WDR41: variants seen among roughly 807,000 people sequenced by gnomAD.
WDR41 encodes the protein WD repeat domain 41.
WDR41 carries 63 observed loss-of-function variants against 69.3 expected under a neutral mutation model. The observed-to-expected ratio is 0.91, with a 90% CI of 0.74 to 1.12. The LOEUF (loss-of-function observed/expected upper bound fraction) is 1.12, where lower values mean the gene tolerates loss of function less well. WDR41 is among the 50% of genes most tolerant of loss of function. The probability of loss-of-function intolerance (pLI) is 0.00; values close to 1 mark genes in which losing one functional copy is unlikely to be tolerated. For missense variants in WDR41, 543 were observed against 534.5 expected, an observed-to-expected ratio of 1.02 and a Z score of -0.16; for synonymous variants, 185 against 192.1, an observed-to-expected ratio of 0.96 and a Z score of 0.31.
intron 6 of WDR41, 141 bp downstream of exon 6, chr5:77,453,676 A>AATAT (rs1799711561): frequency 1.6e-6 from 1 of 644,078 alleles, no homozygotes; most frequent in Admixed American, 2.8e-5. Flanking sequence ...ATCTGAATTG[A>AATAT]ATATGGCTAC....
intron 2 of WDR41, among the ~76,000 whole-genome samples, chr5:77,471,718 CT>C (rs939913455): frequency 6.6e-6 from 1 of 152,174 alleles, no homozygotes; most frequent in Non-Finnish European, 1.5e-5. Flanking sequence ...CCTCCCAAGA[CT>C]AAACCAGGAA....
chr5:77,509,437 T>A (rs1174928821), intron 1 of WDR41, among the ~76,000 whole-genome samples: 2 of 152,208 alleles, frequency 1.3e-5, no homozygotes, highest in Non-Finnish European at 2.9e-5. Flanking sequence ...ATAGCAGCAC[T>A]ATTCATCATA....
At chr5:77,610,769 A>G (rs1365227337) in intron 1 of WDR41, among the ~76,000 whole-genome samples, 2 of 152,148 alleles carry the variant, frequency 1.3e-5, no homozygotes, top group Non-Finnish European at 2.9e-5. Flanking sequence ...ATCACCAGCT[A>G]ACATCATAAT....
chr5:77,493,388 C>T (rs1801886001), upstream of WDR41, among the ~76,000 whole-genome samples: 1 of 152,142 alleles, frequency 6.6e-6, no homozygotes, highest in Admixed American at 6.5e-5. Context: ...CACAGATGCA[C>T]TAGAGAAGCA....
In WDR41 at chr5:77,456,094, C is replaced by T. The variant is rs144047095; in HGVS notation, c.412-2166G>A. On this transcript the variant is annotated intron_variant, in intron 5 of 12. Coordinates refer to ENST00000296679, the MANE Select transcript of WDR41 (RefSeq NM_018268.4). ...CAATAGTAAATCTGATCCATGCACT[C>T]AGGATGTCTTTCCATTTATATAGAT... is the stretch of plus-strand genomic sequence containing the variant. 4.4e-3 allele frequency among the ~76,000 whole-genome samples: 668 copies of T among 152,248 alleles called. 11 individuals carry two copies. The highest frequency in any genetic ancestry group is 0.013 in the African/African-American group (559 of 41,558).
intron 1 of WDR41, among the ~76,000 whole-genome samples, chr5:77,539,122 C>T (rs193245331): frequency 1.5e-3 from 234 of 152,166 alleles, no homozygotes; most frequent in African/African-American, 5.3e-3. Flanking sequence ...AGGCATTCAT[C>T]TCATCATGAG....
chr5:77,492,469 G>A (rs1801854765), upstream of WDR41: 1 of 432,764 alleles, frequency 2.3e-6, no homozygotes, highest in South Asian at 5.6e-5. Context: ...CGACGGCGGG[G>A]GCGGCTGCGG....
upstream of WDR41, among the ~76,000 whole-genome samples, chr5:77,495,797 A>AG (rs1801925174): frequency 2.0e-5 from 2 of 99,948 alleles, no homozygotes; most frequent in African/African-American, 1.3e-4. Context: ...TACCAAAACC[A>AG]GAAAAAAAAT....
intron 3 of WDR41, 81 bp from the exon 4 acceptor site, chr5:77,463,307 C>T (rs1487789129): frequency 7.5e-7 from 1 of 1,330,064 alleles, no homozygotes; most frequent in East Asian, 2.4e-5. Flanking sequence ...GTACAACTAC[C>T]ATATAGAAGA....
chr5:77,475,179 CT>C (rs1266978579), intron 2 of WDR41, among the ~76,000 whole-genome samples: 4 of 152,218 alleles, frequency 2.6e-5, no homozygotes, highest in African/African-American at 9.7e-5. Context: ...CCCACAGAGT[CT>C]CGCTAATTGC....
chr5:77,600,806 G>A (rs1015649119), intron 1 of WDR41, among the ~76,000 whole-genome samples: 6 of 152,046 alleles, frequency 3.9e-5, no homozygotes, highest in Non-Finnish European at 7.4e-5. Flanking sequence ...CTTGAACTTG[G>A]AGGGCAGAGT....
intron 1 of WDR41, among the ~76,000 whole-genome samples, chr5:77,620,300 A>G (rs1561242474): frequency 6.6e-6 from 1 of 152,202 alleles, no homozygotes; most frequent in Non-Finnish European, 1.5e-5. Flanking sequence ...CTATACTAAA[A>G]TTAAAGAGTT....
intron 1 of WDR41, among the ~76,000 whole-genome samples, chr5:77,594,667 T>C (rs1384226651): frequency 6.6e-6 from 1 of 152,168 alleles, no homozygotes; most frequent in East Asian, 1.9e-4. Context: ...AGAAGTCTAC[T>C]TCTAGAAACC....
chr5:77,469,462 A>C (rs927287082), intron 2 of WDR41, among the ~76,000 whole-genome samples: 2 of 152,110 alleles, frequency 1.3e-5, no homozygotes, highest in African/African-American at 4.8e-5. Context: ...TGTATTCTGT[A>C]TTTTTAGAAA....
chr5:77,588,855 GTA>G (rs1744085342), intron 1 of WDR41, among the ~76,000 whole-genome samples: 1 of 152,150 alleles, frequency 6.6e-6, no homozygotes, highest in African/African-American at 2.4e-5. Context: ...TAACAGCACT[GTA>G]TGCCTAAAAG....
intron 10 of WDR41, 81 bp downstream of exon 10, chr5:77,438,159 T>C: frequency 6.3e-7 from 1 of 1,587,116 alleles, no homozygotes; most frequent in Non-Finnish European, 8.6e-7. Flanking sequence ...CCAGGTAACT[T>C]GGCCACTTGA....
At chr5:77,505,398 A>T (rs1230484270) in intron 1 of WDR41, among the ~76,000 whole-genome samples, 1 of 152,232 alleles carries the variant, frequency 6.6e-6, no homozygotes, top group Non-Finnish European at 1.5e-5. Context: ...AAATGGAAGA[A>T]CATTCCATGC....
At chr5:77,567,858 C>A (rs992309025) in intron 1 of WDR41, among the ~76,000 whole-genome samples, 6 of 151,798 alleles carry the variant, frequency 4.0e-5, no homozygotes, top group African/African-American at 1.5e-4. Flanking sequence ...CCCGTCTCAT[C>A]CCGACCCCAG....
chr5:77,511,861 A>G (rs956452527), intron 1 of WDR41, among the ~76,000 whole-genome samples: 3 of 152,044 alleles, frequency 2.0e-5, no homozygotes, highest in African/African-American at 7.3e-5. Flanking sequence ...TTCGATTCTT[A>G]CCGAGAGCCA....
Sources: gnomAD v4.1 joint callset for allele counts (sites outside exome capture counted in the v4.1 genomes callset) on GRCh38, gnomAD v4.1.1 for gene constraint, MANE v1.5 for transcripts, NCBI Gene and HGNC (gene_info 2026-07-23, HGNC 2026-07-21) for gene names.